AGBL4: variants seen among roughly 807,000 people sequenced by gnomAD.
AGBL4 encodes the protein AGBL carboxypeptidase 4.
Under a neutral mutation model 66.4 loss-of-function variants are expected in AGBL4, and 58 were observed. The ratio of observed to expected loss-of-function variants is 0.87; its 90% CI spans 0.71 to 1.09. AGBL4 has a LOEUF of 1.09. Among genes scored for constraint, AGBL4 ranks in the 50% least tolerant of loss-of-function variants. The pLI is 0.00. For synonymous variants in AGBL4, 234 were observed against 222.9 expected, an observed-to-expected ratio of 1.05 and a Z score of -0.44; for missense variants, 579 against 631.0, an observed-to-expected ratio of 0.92 and a Z score of 0.88.
chr1:49,754,751 C>T (rs753345685), intron 2 of AGBL4, among the ~76,000 whole-genome samples: 12 of 152,258 alleles, frequency 7.9e-5, no homozygotes, highest in South Asian at 2.1e-4. Flanking sequence ...TCTTCAGAGC[C>T]ATTAGCAGGA....
intron 6 of AGBL4, among the ~76,000 whole-genome samples, chr1:48,675,695 G>C (rs1424685628): frequency 6.6e-6 from 1 of 152,188 alleles, no homozygotes; most frequent in East Asian, 1.9e-4. Context: ...TAAGGATGCT[G>C]TCTGATATCA....
At chr1:49,848,212 T>G (rs1292451378) in intron 2 of AGBL4, among the ~76,000 whole-genome samples, 1 of 152,208 alleles carries the variant, frequency 6.6e-6, no homozygotes, top group Non-Finnish European at 1.5e-5. Flanking sequence ...ATGGAGATTT[T>G]TCTAAGAACT....
intron 2 of AGBL4, among the ~76,000 whole-genome samples, chr1:49,758,826 A>G (rs970996733): frequency 3.3e-5 from 5 of 151,732 alleles, no homozygotes; most frequent in Non-Finnish European, 7.4e-5. Flanking sequence ...GACTGTTGGG[A>G]AGGCAAAATT....
At chr1:49,642,381 C>A (rs945907240) in intron 3 of AGBL4, among the ~76,000 whole-genome samples, 1 of 151,936 alleles carries the variant, frequency 6.6e-6, no homozygotes, top group Admixed American at 6.6e-5. Flanking sequence ...AGTTTCCAAG[C>A]ACAGCACAAG....
At chr1:48,727,961 G>A (rs974751362) in intron 6 of AGBL4, 12 of 1,611,172 alleles carry the variant, frequency 7.4e-6, no homozygotes, top group Non-Finnish European at 1.0e-5. Context: ...TTTTTTCACA[G>A]ATGTACTTGT....
chr1:49,896,889 C>T (rs1014996146), intron 1 of AGBL4, among the ~76,000 whole-genome samples: 1 of 151,782 alleles, frequency 6.6e-6, no homozygotes, highest in African/African-American at 2.4e-5. Flanking sequence ...GCTGAAAAGG[C>T]ATTTGATAAA....
chr1:49,283,321 G>C (rs1644323096), intron 3 of AGBL4, among the ~76,000 whole-genome samples: 1 of 152,188 alleles, frequency 6.6e-6, no homozygotes, highest in Non-Finnish European at 1.5e-5. Flanking sequence ...CTATCTGTTA[G>C]AAGGAAAACT....
intron 2 of AGBL4, among the ~76,000 whole-genome samples, chr1:49,803,216 T>C (rs917236778): frequency 2.0e-4 from 31 of 152,088 alleles, no homozygotes. Context: ...ATTCATTCTC[T>C]TCCTTTTAAT....
chr1:48,644,636 G>A (rs1256696457), intron 8 of AGBL4, among the ~76,000 whole-genome samples: 1 of 152,200 alleles, frequency 6.6e-6, no homozygotes, highest in Non-Finnish European at 1.5e-5. Context: ...AGCAAGAGCA[G>A]GCTGGTTTAA....
intron 6 of AGBL4, chr1:48,776,901 G>C (rs1645124540): frequency 1.0e-6 from 1 of 1,001,710 alleles, no homozygotes; most frequent in Non-Finnish European, 1.4e-6. Flanking sequence ...TGGGGATCCG[G>C]CGGGGGGCGC....
intron 4 of AGBL4, among the ~76,000 whole-genome samples, chr1:49,185,477 C>G (rs1228954303): frequency 6.6e-6 from 1 of 152,156 alleles, no homozygotes; most frequent in Non-Finnish European, 1.5e-5. Context: ...ACCCTCCTTC[C>G]CTTTCACCAC....
At chr1:48,573,410 T>C (rs531281356) in intron 11 of AGBL4, among the ~76,000 whole-genome samples, 92 of 152,326 alleles carry the variant, frequency 6.0e-4, no homozygotes, top group Admixed American at 3.0e-3. Flanking sequence ...TAACTCTTTA[T>C]CATAACATAT....
rs147792669 is a variant in AGBL4, at chr1:49,460,483, A to G, written c.283-214619T>C. On this transcript the variant is annotated intron_variant, in intron 3 of 13. Coordinates refer to ENST00000371839, the MANE Select transcript of AGBL4 (RefSeq NM_032785.4). ...TTTCCTTAGATTTATGTGAGTCCTC[A>G]TGTGTTAGGTGAGTCTCGTGAAGAT... Among the ~76,000 whole-genome samples, 787 of 151,560 alleles carry G rather than the reference A, an allele frequency of 5.2e-3. 9 individuals are homozygous for G. The highest frequency in any genetic ancestry group is 0.017 in the Middle Eastern group (5 of 294).
intron 5 of AGBL4, among the ~76,000 whole-genome samples, chr1:49,006,719 C>G (rs1316192057): frequency 6.6e-6 from 1 of 151,794 alleles, no homozygotes; most frequent in Non-Finnish European, 1.5e-5. Context: ...GTCCCTGACC[C>G]CTGACCCCTG....
rs146913807 is a variant in AGBL4 at position 48,895,343 on chromosome 1, T to C, written c.595-28113A>G. Among the ~76,000 whole-genome samples the C allele has an allele frequency of 4.6e-4, 70 of 152,312 alleles. 1 individual carries two copies. In the South Asian group the frequency reaches 9.7e-3, roughly 21 times the overall value. ...GCCATGATCTTCCTGCACTTTCCTC[T>C]GGGGTCACTTCTCACCATCCCAGCA... On this transcript the variant is annotated intron_variant, in intron 5 of 13. Coordinates refer to ENST00000371839, the MANE Select transcript of AGBL4 (RefSeq NM_032785.4).
Position 48,730,394 on chromosome 1 carries a change from A to ACTAT in AGBL4, c.635-67157_635-67154dup, listed in dbSNP as rs370165938. On this transcript the variant is annotated intron_variant, in intron 6 of 13. Coordinates refer to ENST00000371839, the MANE Select transcript of AGBL4 (RefSeq NM_032785.4). ...GGGGACTTCTCTGGGTCTCGGTTTC[A>ACTAT]CTATCTACGAAAGTAGCATTTCAAA... is the stretch of plus-strand genomic sequence containing the variant. Among the ~76,000 whole-genome samples, 683 of 152,312 alleles carry ACTAT rather than the reference A, an allele frequency of 4.5e-3. 8 individuals carry two copies. The highest frequency in any genetic ancestry group is 0.016 in the African/African-American group (660 of 41,566).
intron 8 of AGBL4, among the ~76,000 whole-genome samples, chr1:48,647,050 G>C (rs1310812896): frequency 2.0e-5 from 3 of 152,124 alleles, no homozygotes; most frequent in African/African-American, 7.2e-5. Flanking sequence ...CTGACACCCA[G>C]CAGGACCTCA....
At chr1:49,372,671 CTT>C (rs1644387563) in intron 3 of AGBL4, among the ~76,000 whole-genome samples, 2 of 113,536 alleles carry the variant, frequency 1.8e-5, no homozygotes, top group East Asian at 2.5e-4. Flanking sequence ...TTCTTTCTTT[CTT>C]TCTTTCTCTT....
rs180826864 is a variant in AGBL4 at position 49,263,855 on chromosome 1, A to G, written c.283-17991T>C. On this transcript the variant is annotated intron_variant, in intron 3 of 13. Coordinates refer to ENST00000371839, the MANE Select transcript of AGBL4 (RefSeq NM_032785.4). Reference sequence around the variant, plus strand: ...AGAGTTGTTCACTGTATCAGTATTCATTTATAATAGGAAAACAAAAAAGTA... The same window carrying G: ...AGAGTTGTTCACTGTATCAGTATTCGTTTATAATAGGAAAACAAAAAAGTA... Among the ~76,000 whole-genome samples, 195 of 152,294 alleles carry G rather than the reference A, an allele frequency of 1.3e-3. 1 individual carries two copies. The highest frequency in any genetic ancestry group is 6.8e-3 in the Middle Eastern group (2 of 292).
Sources: gnomAD v4.1 joint callset for allele counts (sites outside exome capture counted in the v4.1 genomes callset) on GRCh38, gnomAD v4.1.1 for gene constraint, MANE v1.5 for transcripts, NCBI Gene and HGNC (gene_info 2026-07-23, HGNC 2026-07-21) for gene names.